Variants in SLC35F4 observed in about 807,000 individuals in gnomAD.
SLC35F4 encodes the protein chromosome 14 open reading frame 36.
Under a neutral mutation model 44.2 loss-of-function variants are expected in SLC35F4, and 24 were observed. The observed-to-expected ratio is 0.54, with a 90% CI of 0.39 to 0.76. The LOEUF (loss-of-function observed/expected upper bound fraction) is 0.76. Ranked by LOEUF, SLC35F4 falls within the 30% of genes least tolerant of loss-of-function variation. The pLI, the probability that SLC35F4 is intolerant of heterozygous loss-of-function variation, is 0.00. For synonymous variants in SLC35F4, 238 were observed against 223.6 expected (o/e 1.06, Z -0.57); for missense variants, 562 against 586.1 (o/e 0.96, Z 0.42).
intron 1 of SLC35F4, among the ~76,000 whole-genome samples, chr14:57,812,809 C>G (rs976306671): frequency 2.0e-5 from 3 of 152,082 alleles, no homozygotes; most frequent in Admixed American, 1.3e-4. Flanking sequence ...ACAGAAAATA[C>G]CACATGTACA....
intron 6 of SLC35F4, among the ~76,000 whole-genome samples, chr14:57,568,186 G>T (rs888228275): frequency 1.3e-5 from 2 of 152,264 alleles, no homozygotes; most frequent in African/African-American, 4.8e-5. Context: ...CTGCAGTGCT[G>T]CTTGGCACTG....
chr14:57,640,906 T>C (rs1594672615), intron 1 of SLC35F4, among the ~76,000 whole-genome samples: 1 of 152,106 alleles, frequency 6.6e-6, no homozygotes, highest in East Asian at 1.9e-4. Context: ...GCAATTGATA[T>C]AGCATGAACT....
intron 1 of SLC35F4, among the ~76,000 whole-genome samples, chr14:57,736,718 C>T (rs1022911563): frequency 6.6e-6 from 1 of 152,186 alleles, no homozygotes; most frequent in Non-Finnish European, 1.5e-5. Flanking sequence ...CTCTGTATGG[C>T]AATATTGCAA....
At chr14:57,591,298 G>A (rs975784068) in intron 2 of SLC35F4, among the ~76,000 whole-genome samples, 3 of 152,174 alleles carry the variant, frequency 2.0e-5, no homozygotes. Flanking sequence ...GAGGAGCTGG[G>A]GGGGATATGA....
chr14:57,717,765 C>T (rs910175215), intron 1 of SLC35F4, among the ~76,000 whole-genome samples: 2 of 151,932 alleles, frequency 1.3e-5, no homozygotes, highest in Admixed American at 1.3e-4. Context: ...ATGGAGTACA[C>T]GAGATATTTT....
intron 1 of SLC35F4, among the ~76,000 whole-genome samples, chr14:57,881,828 T>C (rs1358885708): frequency 6.6e-6 from 1 of 152,194 alleles, no homozygotes; most frequent in Non-Finnish European, 1.5e-5. Flanking sequence ...TAAAGCTTAA[T>C]CAAATATATA....
intron 1 of SLC35F4, among the ~76,000 whole-genome samples, chr14:57,773,588 C>A (rs751880269): frequency 2.1e-5 from 3 of 143,420 alleles, no homozygotes; most frequent in Non-Finnish European, 4.6e-5. Context: ...CAGTGTAGAT[C>A]CTGGTCACTC....
chr14:57,638,484 A>G (rs925424334), intron 1 of SLC35F4, among the ~76,000 whole-genome samples: 2 of 152,092 alleles, frequency 1.3e-5, no homozygotes, highest in African/African-American at 4.8e-5. Flanking sequence ...GAATACATAA[A>G]TTTAGCCAAT....
At chr14:57,582,841 A>G (rs1033947682) in intron 3 of SLC35F4, among the ~76,000 whole-genome samples, 20 of 152,224 alleles carry the variant, frequency 1.3e-4, no homozygotes, top group African/African-American at 4.6e-4. Context: ...TCACATGAAT[A>G]ACCCCAAAAA....
intron 1 of SLC35F4, among the ~76,000 whole-genome samples, chr14:57,910,492 G>A (rs983683993): frequency 3.9e-5 from 6 of 152,024 alleles, no homozygotes; most frequent in Non-Finnish European, 8.8e-5. Context: ...TGTAAGATCT[G>A]TGTCTGGAGT....
chr14:57,788,303 C>T (rs58475438), intron 1 of SLC35F4, among the ~76,000 whole-genome samples: 3,272 of 152,070 alleles, frequency 0.022, 53 homozygotes, highest in African/African-American at 0.047. Flanking sequence ...AGATAGACAG[C>T]AACACAGTAA....
chr14:57,679,231 C>A (rs138416779), intron 1 of SLC35F4, among the ~76,000 whole-genome samples: 2 of 152,012 alleles, frequency 1.3e-5, no homozygotes, highest in African/African-American at 2.4e-5. Flanking sequence ...CACTCAAAAC[C>A]GCACAACTAC....
At chr14:57,577,155 T>TAATA (rs1406725166) in intron 4 of SLC35F4, among the ~76,000 whole-genome samples, 1 of 152,192 alleles carries the variant, frequency 6.6e-6, no homozygotes, top group African/African-American at 2.4e-5. Flanking sequence ...TCTTAATTCT[T>TAATA]AATATTTAAT....
chr14:57,724,347 C>T (rs1594889861), intron 1 of SLC35F4, among the ~76,000 whole-genome samples: 1 of 152,300 alleles, frequency 6.6e-6, no homozygotes, highest in Admixed American at 6.5e-5. Flanking sequence ...GAGCAAGGCC[C>T]TGCCATCTTC....
intron 1 of SLC35F4, among the ~76,000 whole-genome samples, chr14:57,792,547 G>GAT (rs1258459964): frequency 1.4e-4 from 21 of 152,090 alleles, no homozygotes; most frequent in African/African-American, 4.8e-4. Flanking sequence ...AAGAAAATGT[G>GAT]ATATATATAT....
intron 1 of SLC35F4, among the ~76,000 whole-genome samples, chr14:57,938,955 G>A (rs556059693): frequency 1.4e-4 from 21 of 152,284 alleles, no homozygotes; most frequent in African/African-American, 4.8e-4. Flanking sequence ...AGACCCTAAT[G>A]TTTAACGTAA....
chr14:57,944,740 A>AAAG (rs1889987398), intron 1 of SLC35F4, among the ~76,000 whole-genome samples: 1 of 138,166 alleles, frequency 7.2e-6, no homozygotes, highest in African/African-American at 2.6e-5. Flanking sequence ...AGAAAGAAAG[A>AAAG]AAGAAAGAAA....
chr14:57,967,510 C>T (rs1307019162), intron 1 of SLC35F4, among the ~76,000 whole-genome samples: 2 of 152,132 alleles, frequency 1.3e-5, no homozygotes, highest in Non-Finnish European at 2.9e-5. Flanking sequence ...CTTTTTTCTC[C>T]ATTAGGCCTC....
chr14:57,892,056 G>A (rs555010012), intron 1 of SLC35F4, among the ~76,000 whole-genome samples: 2 of 152,076 alleles, frequency 1.3e-5, no homozygotes, highest in African/African-American at 2.4e-5. Flanking sequence ...AAGAATATGG[G>A]AATCATCTTT....
Sources: gnomAD v4.1 joint callset for allele counts (sites outside exome capture counted in the v4.1 genomes callset) on GRCh38, gnomAD v4.1.1 for gene constraint, MANE v1.5 for transcripts, NCBI Gene and HGNC (gene_info 2026-07-23, HGNC 2026-07-21) for gene names.